The following GALNT9 variants were observed in gnomAD, a reference collection of about 807,000 sequenced individuals.
GALNT9 encodes polypeptide N-acetylgalactosaminyltransferase 9.
GALNT9 carries 47 observed loss-of-function variants against 63.1 expected under a neutral mutation model. The ratio of observed to expected loss-of-function variants is 0.75; its 90% CI spans 0.59 to 0.95. The LOEUF is 0.95. Among genes scored for constraint, GALNT9 ranks in the 40% least tolerant of loss-of-function variants. The pLI is 0.00. For missense variants in GALNT9, 829 were observed against 874.8 expected, an observed-to-expected ratio of 0.95 and a Z score of 0.66; for synonymous variants, 396 against 365.7, an observed-to-expected ratio of 1.08 and a Z score of -0.94.
chr12:132,226,766 CTG>C (rs1399876553), intron 6 of GALNT9, among the ~76,000 whole-genome samples: 12 of 149,130 alleles, frequency 8.0e-5, no homozygotes, highest in South Asian at 4.3e-4. Flanking sequence ...ACCCCACACA[CTG>C]TACATACACA....
At chr12:132,276,471 T>A (rs982903928) in intron 2 of GALNT9, 1 of 154,998 alleles carries the variant, frequency 6.5e-6, no homozygotes, top group Admixed American at 6.5e-5. Context: ...ACAGAGCAGC[T>A]TCATCAGGAA....
Position 132,236,625 on chromosome 12 carries a change from A to G in GALNT9, c.1077+11285T>C, listed in dbSNP as rs2136894860. On this transcript the variant is annotated intron_variant, in intron 6 of 10. Transcript: ENST00000328957. The surrounding 1 kb of genome is among the most constrained non-coding windows in gnomAD (Gnocchi z 5.6). ...TGATTTCCTTCAAGAGTCCACCCTT[A>G]TCTGTACCTGGTTAAAATAATCAGC... is the stretch of plus-strand genomic sequence containing the variant. Among the ~76,000 whole-genome samples the G allele has an allele frequency of 1.3e-5, 2 of 151,956 alleles. No individual in the cohort carries two copies. Among genetic ancestry groups the G allele is most frequent in the Non-Finnish European group, 2.9e-5 (2 of 67,992 alleles).
At position 132,319,878 on chromosome 12, in the gene GALNT9, T is replaced by G. The variant is rs1184947032; in HGVS notation, c.238+9088A>C. Among the ~76,000 whole-genome samples, 1 of 152,122 alleles carries G rather than the reference T, an allele frequency of 6.6e-6. No individual in the cohort carries two copies. Among genetic ancestry groups the G allele is most frequent in the Admixed American group, 6.5e-5 (1 of 15,282 alleles). On this transcript the variant is annotated intron_variant, in intron 1 of 10. Transcript: ENST00000328957. The surrounding 1 kb of genome is among the most constrained non-coding windows in gnomAD (Gnocchi z 5.2). ...ACCTGTGTCTTCTCCACCCTCAGCC[T>G]CCGGAGGTTCGGAGGCACTCACTGA...
At chr12:132,281,900 G>C in intron 2 of GALNT9, among the ~76,000 whole-genome samples, 1 of 149,372 alleles carries the variant, frequency 6.7e-6, no homozygotes, top group African/African-American at 2.5e-5. Flanking sequence ...AGCAAGGCCA[G>C]GCCTGGGGGT....
intron 1 of GALNT9, among the ~76,000 whole-genome samples, chr12:132,308,046 A>C (rs1881679085): frequency 6.6e-6 from 1 of 151,938 alleles, no homozygotes; most frequent in Non-Finnish European, 1.5e-5. Flanking sequence ...AAAAAAAAAA[A>C]AACAAAAAAA....
At chr12:132,213,085 CGG>C (rs1877023039) in intron 6 of GALNT9, among the ~76,000 whole-genome samples, 2 of 93,136 alleles carry the variant, frequency 2.1e-5, no homozygotes, top group East Asian at 4.3e-4. Flanking sequence ...GACCTCGACA[CGG>C]AAACCCCACC....
At chr12:132,301,543 TC>T (rs1555243827) in intron 1 of GALNT9, among the ~76,000 whole-genome samples, 1 of 152,176 alleles carries the variant, frequency 6.6e-6, no homozygotes, top group East Asian at 1.9e-4. Flanking sequence ...CCCTCCCAAT[TC>T]CACCCGGAGG....
intron 2 of GALNT9, among the ~76,000 whole-genome samples, chr12:132,269,972 C>A (rs1300725253): frequency 3.3e-5 from 5 of 152,258 alleles, no homozygotes; most frequent in Admixed American, 3.3e-4. Context: ...AGGGCACCCC[C>A]AGGTGACTTC....
chr12:132,317,751 G>A (rs985899633), intron 1 of GALNT9, among the ~76,000 whole-genome samples: 7 of 152,120 alleles, frequency 4.6e-5, no homozygotes, highest in Admixed American at 6.5e-5. Context: ...CTCCAGCCCC[G>A]GGGCCCAGCC....
intron 2 of GALNT9, chr12:132,277,266 C>T (rs1383563878): frequency 6.5e-6 from 1 of 154,824 alleles, no homozygotes; most frequent in Non-Finnish European, 1.5e-5. Flanking sequence ...GGCACATCCA[C>T]CCACGTGGGA....
intron 1 of GALNT9, among the ~76,000 whole-genome samples, chr12:132,326,653 A>G (rs1285289114): frequency 6.6e-6 from 1 of 152,228 alleles, no homozygotes; most frequent in African/African-American, 2.4e-5. Context: ...CAAGGCAGGG[A>G]AAAGGGATCA....
At chr12:132,302,229 T>TACACACACACACACACACACACAC (rs56317485) in intron 1 of GALNT9, among the ~76,000 whole-genome samples, 20 of 143,818 alleles carry the variant, frequency 1.4e-4, no homozygotes, top group Middle Eastern at 3.6e-3. Context: ...TAGAAAATTC[T>TACACACACACACACACACACACAC]ACACACACAC....
At chr12:132,323,597 C>T (rs1169132278) in intron 1 of GALNT9, among the ~76,000 whole-genome samples, 1 of 152,182 alleles carries the variant, frequency 6.6e-6, no homozygotes, top group Non-Finnish European at 1.5e-5. Flanking sequence ...GAACGCACAA[C>T]CAAAATGTCG....
intron 6 of GALNT9, among the ~76,000 whole-genome samples, chr12:132,216,292 CAG>C (rs1337029834): frequency 1.3e-5 from 2 of 152,188 alleles, no homozygotes; most frequent in Non-Finnish European, 2.9e-5. Flanking sequence ...CAGAGGAAGA[CAG>C]AGAGACAGAG....
chr12:132,211,108 G>C (rs1290616445), intron 6 of GALNT9, among the ~76,000 whole-genome samples: 2 of 152,134 alleles, frequency 1.3e-5, no homozygotes, highest in Non-Finnish European at 2.9e-5. Flanking sequence ...CGCTTCACAA[G>C]CTGAACGAAT....
intron 5 of GALNT9, among the ~76,000 whole-genome samples, chr12:132,250,810 G>C (rs561093125): frequency 2.7e-5 from 4 of 147,820 alleles, no homozygotes; most frequent in Admixed American, 6.8e-5. Context: ...AACAACAAAG[G>C]CTCAGCTCAT....
At chr12:132,199,749 G>A (rs1243512798) in intron 8 of GALNT9, among the ~76,000 whole-genome samples, 1 of 152,232 alleles carries the variant, frequency 6.6e-6, no homozygotes, top group Non-Finnish European at 1.5e-5. Context: ...GGGATGTGTT[G>A]TCATCGGGCA....
At chr12:132,228,045 G>A (rs1187199452) in intron 6 of GALNT9, among the ~76,000 whole-genome samples, 1 of 152,160 alleles carries the variant, frequency 6.6e-6, no homozygotes, top group East Asian at 1.9e-4. Flanking sequence ...GTCTGCTGGG[G>A]AGTGGCGGTG....
intron 6 of GALNT9, among the ~76,000 whole-genome samples, chr12:132,222,293 C>G (rs543316449): frequency 3.3e-5 from 5 of 152,134 alleles, no homozygotes; most frequent in Non-Finnish European, 5.9e-5. Flanking sequence ...AACGCACATA[C>G]CAGGCCAGGC....
Sources: gnomAD v4.1 joint callset for allele counts (sites outside exome capture counted in the v4.1 genomes callset) on GRCh38, gnomAD v4.1.1 for gene constraint, Gnocchi (gnomAD v3.1) non-coding constraint, MANE v1.5 for transcripts, NCBI Gene and HGNC (gene_info 2026-07-23, HGNC 2026-07-21) for gene names.